XPOT: variants seen among roughly 807,000 people sequenced by gnomAD.
XPOT encodes exportin for tRNA, also known as exportin-T.
XPOT carries 34 observed loss-of-function variants against 128.2 expected under a neutral mutation model. The observed-to-expected ratio is 0.27, with a 90% CI of 0.20 to 0.35. XPOT has a LOEUF of 0.35. XPOT is among the 10% of genes least tolerant of loss of function. The probability of loss-of-function intolerance (pLI) is 1.00; values close to 1 mark genes in which losing one functional copy is unlikely to be tolerated. For missense variants in XPOT, 838 were observed against 1,125.3 expected (o/e 0.74, Z 3.65); for synonymous variants, 348 against 394.3 (o/e 0.88, Z 1.39).
At chr12:64,426,441 CA>C (rs1240694966) in intron 15 of XPOT, among the ~76,000 whole-genome samples, 1 of 151,672 alleles carries the variant, frequency 6.6e-6, no homozygotes, top group African/African-American at 2.4e-5. Context: ...AACGCAGAAA[CA>C]AAAAAACAAA....
At chr12:64,437,410 G>A (rs2040292066) in intron 22 of XPOT, among the ~76,000 whole-genome samples, 1 of 152,168 alleles carries the variant, frequency 6.6e-6, no homozygotes, top group Admixed American at 6.5e-5. Flanking sequence ...ATTTTTGATG[G>A]CCCTTAAATG....
At chr12:64,424,748 C>T in intron 12 of XPOT, 25 bp downstream of exon 12, 7 of 1,611,186 alleles carry the variant, frequency 4.3e-6, no homozygotes, top group Non-Finnish European at 5.9e-6. Flanking sequence ...ACTTTTGTAA[C>T]AAGCCTACTT....
At chr12:64,421,695 T>C (rs1305198306) in intron 9 of XPOT, among the ~76,000 whole-genome samples, 2 of 152,026 alleles carry the variant, frequency 1.3e-5, no homozygotes, top group Non-Finnish European at 2.9e-5. Context: ...GAGGTAGTTA[T>C]AGGTTTAGGT....
intron 23 of XPOT, among the ~76,000 whole-genome samples, chr12:64,440,082 C>T (rs1336757638): frequency 6.6e-6 from 1 of 152,150 alleles, no homozygotes. Context: ...AGAACATATT[C>T]ATCTTGCATA....
chr12:64,446,631 T>TC (rs1280721917), intron 24 of XPOT, among the ~76,000 whole-genome samples: 1 of 152,132 alleles, frequency 6.6e-6, no homozygotes, highest in African/African-American at 2.4e-5. Flanking sequence ...TAATTTTTTT[T>TC]TTTTTTCATA....
chr12:64,421,228 C>T lies in XPOT; in HGVS notation c.844-7C>T. The T allele has an allele frequency of 6.2e-7, 1 of 1,607,382 alleles. No individual in the cohort carries two copies. On this transcript the variant is annotated splice_polypyrimidine_tract_variant and splice_region_variant and intron_variant, in intron 8 of 24. Transcript: ENST00000332707. The stretch of plus-strand genomic sequence containing the variant: ...TTTAAACAGAGATGTGTCTTGATTG[C>T]TTATAGGAAGAAGATGTTGACTTCC...
chr12:64,406,575 G>A (rs181454723), intron 1 of XPOT, among the ~76,000 whole-genome samples: 101 of 151,864 alleles, frequency 6.7e-4, no homozygotes, highest in African/African-American at 2.3e-3. Context: ...CTCCATGTTG[G>A]TCAGGCTGGT....
rs1216352484 is a variant in XPOT, at chr12:64,450,737, C to A, written c.*2606C>A. The A allele has an allele frequency of 6.6e-6, 1 of 152,194 alleles. No homozygotes were observed. Among genetic ancestry groups the A allele is most frequent in the Non-Finnish European group, 1.5e-5 (1 of 68,034 alleles). The allele number at this position is 152,194 out of a possible 1,614,324, so 9.4% of individuals were successfully genotyped here. A position where few individuals can be genotyped will look rare whatever the true frequency, so the allele number is the denominator to read the frequency against. ...CAAGAGAGGAAGGACAAAACTGTTA[C>A]AAGCTGAAATATTTGGGGATTTGTT... On this transcript the variant is annotated 3_prime_UTR_variant, in exon 25 of 25. Transcript: ENST00000332707.
At position 64,425,105 on chromosome 12, in the gene XPOT, G is replaced by T. The variant is rs765274349; in HGVS notation, c.1375G>T (p.Ala459Ser). 151 of 1,613,708 alleles carry T rather than the reference G, an allele frequency of 9.4e-5. No homozygotes were observed. The highest frequency in any genetic ancestry group is 4.3e-4 in the South Asian group (39 of 91,078). ...AAGATTGCTGTATATGTTGGCAGAA[G>T]CTCTTCCAGTATCTCATGGTGCTCA... is the stretch of plus-strand genomic sequence containing the variant. ...AIRLLYMLAE[A>S]LPVSHGAHFS... is the part of the protein sequence containing the mutation. The change falls in exon 13 of 25, where the codon GCT becomes TCT. Residue 459 changes from alanine to serine, a missense_variant. By Grantham distance (99) the Ala-to-Ser change is moderately conservative. Coordinates refer to ENST00000332707, the MANE Select transcript of XPOT (RefSeq NM_007235.6).
intron 22 of XPOT, 77 bp downstream of exon 22, chr12:64,435,751 T>C: frequency 7.1e-7 from 1 of 1,415,896 alleles, no homozygotes; most frequent in South Asian, 1.5e-5. Context: ...AGATGTATCT[T>C]GTGTAAAATT....
rs1042162798 is a variant in XPOT, at chr12:64,430,409, T to C, written c.1976+122T>C. On this transcript the variant is annotated intron_variant, in intron 17 of 24. Transcript: ENST00000332707. ...ATAATCCAGAGAATTGTCTAAATCTTTGTCCTCCAAATCCAGTCAGTTAGA... is the reference window on the plus strand; with the variant it reads ...ATAATCCAGAGAATTGTCTAAATCTCTGTCCTCCAAATCCAGTCAGTTAGA... 5 of 835,008 alleles carry C rather than the reference T, an allele frequency of 6.0e-6. No homozygotes were observed. In the African/African-American group the frequency reaches 8.6e-5, roughly 14 times the overall value. The allele number at this position is 835,008 out of a possible 1,614,324, so 51.7% of individuals were successfully genotyped here. A position where few individuals can be genotyped will look rare whatever the true frequency, so the allele number is the denominator to read the frequency against.
chr12:64,444,546 G>A (rs953563910), intron 23 of XPOT, among the ~76,000 whole-genome samples: 1 of 152,184 alleles, frequency 6.6e-6, no homozygotes, highest in East Asian at 1.9e-4. Flanking sequence ...ATGAAATAAG[G>A]CAGTTATTAA....
intron 1 of XPOT, chr12:64,409,741 A>C (rs896812732): frequency 3.3e-6 from 1 of 305,954 alleles, no homozygotes; most frequent in African/African-American, 2.2e-5. Context: ...TCTCAAAAAA[A>C]AAAATCAGAT....
At chr12:64,447,446 A>G (rs896251354) in intron 24 of XPOT, among the ~76,000 whole-genome samples, 1 of 152,104 alleles carries the variant, frequency 6.6e-6, no homozygotes, top group Non-Finnish European at 1.5e-5. Context: ...TAGAACTGCT[A>G]TGTTTAGCTT....
chr12:64,447,957 C>A, intron 24 of XPOT, 148 bp from the exon 25 acceptor site: 1 of 695,228 alleles, frequency 1.4e-6, no homozygotes, highest in Non-Finnish European at 2.5e-6. Context: ...AAGTTCTTAG[C>A]TTGGATTACA....
In XPOT at chr12:64,420,267, A is replaced by T; in HGVS notation, c.674+13A>T. 6.3e-7 allele frequency: 1 copy of T among 1,587,316 alleles called. No individual in the cohort carries two copies. The highest frequency in any genetic ancestry group is 1.2e-5 in the South Asian group (1 of 86,382). On this transcript the variant is annotated intron_variant, in intron 7 of 24. Transcript: ENST00000332707. ...TAGCCAATGATAGGTAAGTATGCCT[A>T]TTATTTTTATAGTATAAACTTGTAA...
Position 64,411,850 on chromosome 12 carries a change from A to G in XPOT, c.60+1755A>G, listed in dbSNP as rs2040041268. 2.0e-5 allele frequency among the ~76,000 whole-genome samples: 3 copies of G among 152,262 alleles called. No homozygotes were observed. In the South Asian group the frequency reaches 6.2e-4, roughly 32 times the overall value. On this transcript the variant is annotated intron_variant, in intron 2 of 24. Transcript: ENST00000332707. ...TCACATAGAGTCAGTCAACCATTAG[A>G]AAAAAGGTATGGGGTAGAACTAGGT...
At chr12:64,428,334 G>T (rs1312283766) in intron 16 of XPOT, among the ~76,000 whole-genome samples, 2 of 152,010 alleles carry the variant, frequency 1.3e-5, no homozygotes, top group Non-Finnish European at 2.9e-5. Context: ...GCAGCATGGG[G>T]TATATTGTTA....
In XPOT at chr12:64,450,646, T is replaced by C. The variant is rs2040404899; in HGVS notation, c.*2515T>C. 6.6e-6 allele frequency: 1 copy of C among 152,192 alleles called. No individual in the cohort carries two copies. Among genetic ancestry groups the C allele is most frequent in the Non-Finnish European group, 1.5e-5 (1 of 68,046 alleles). 9.4% of individuals were successfully genotyped at this position (152,192 alleles called of 1,614,324 possible). ...TTCTCTGAAGTTGCCTAGAGCACCA[T>C]CACAGCTAGGAAGCTTCCATCATGA... On this transcript the variant is annotated 3_prime_UTR_variant, in exon 25 of 25. Coordinates refer to ENST00000332707, the MANE Select transcript of XPOT (RefSeq NM_007235.6).
Sources: gnomAD v4.1 joint callset for allele counts (sites outside exome capture counted in the v4.1 genomes callset) on GRCh38, gnomAD v4.1.1 for gene constraint, MANE v1.5 for transcripts, NCBI Gene and HGNC (gene_info 2026-07-23, HGNC 2026-07-21) for gene names.